The following KICS2 variants were observed in gnomAD, a reference collection of about 807,000 sequenced individuals.
KICS2 encodes the protein KICSTOR subunit 2.
A neutral mutation model predicts 31.4 loss-of-function variants in KICS2; 13 were observed. That is an observed-to-expected ratio of 0.41 (90% CI 0.27 to 0.66). The LOEUF (loss-of-function observed/expected upper bound fraction) is 0.66. KICS2 is among the 30% of genes least tolerant of loss of function. The pLI is 0.28. For missense variants in KICS2, 455 were observed against 545.4 expected (o/e 0.83, Z 1.65); for synonymous variants, 209 against 214.8 (o/e 0.97, Z 0.24).
In KICS2 at chr12:64,215,771, T is replaced by C. The variant is rs1002559405; in HGVS notation, c.428A>G (p.Tyr143Cys). Residue 143 changes from tyrosine (Y) to cysteine (C), a missense_variant, in exon 2 of 3, where the codon TAT becomes TGT. Tyr to Cys is a radical substitution (Grantham distance 194). Coordinates refer to ENST00000398055, the MANE Select transcript of KICS2 (RefSeq NM_152440.5). ...TGTGCTGAGGGTGTACATCTTCTCA[T>C]AGAAGTCTGCTATCTCCATCCGAGC... is the stretch of plus-strand genomic sequence containing the variant. ...VQARMEIADFYEKMYTLSTQK... is the reference protein window; with the variant it reads ...VQARMEIADFCEKMYTLSTQK... The C allele has an allele frequency of 1.2e-5, 19 of 1,614,010 alleles. No homozygotes were observed. Among genetic ancestry groups the C allele is most frequent in the East Asian group, 2.2e-5 (1 of 44,886 alleles).
chr12:64,190,983 C>T (rs1466189535), downstream of KICS2: 1 of 152,148 alleles, frequency 6.6e-6, no homozygotes, highest in Non-Finnish European at 1.5e-5. Flanking sequence ...GGATGGAACC[C>T]TTGGAAAACT....
intron 1 of KICS2, chr12:64,221,542 A>C: frequency 6.0e-6 from 1 of 167,214 alleles, no homozygotes; most frequent in Non-Finnish European, 1.3e-5. Context: ...TTAAATATGT[A>C]TTGGGGGACT....
rs1320076491 is a variant in KICS2 at position 64,196,993 on chromosome 12, T to C, written c.522-2335A>G. On this transcript the variant is annotated intron_variant, in intron 2 of 2. Transcript: ENST00000398055. Reference sequence around the variant, plus strand: ...GTCTGATTGGTGTACCTGAAAGTGATGGGGAGAATGGAACCAAGTTGGAAA... The same window carrying C: ...GTCTGATTGGTGTACCTGAAAGTGACGGGGAGAATGGAACCAAGTTGGAAA... Among the ~76,000 whole-genome samples, 180 of 127,148 alleles carry C rather than the reference T, an allele frequency of 1.4e-3. 1 individual carries two copies. The highest frequency in any genetic ancestry group is 2.3e-3 in the Non-Finnish European group (141 of 60,414). 83.4% of individuals were successfully genotyped at this position (127,148 alleles called of 152,430 possible).
intron 2 of KICS2, among the ~76,000 whole-genome samples, chr12:64,208,807 T>C (rs1406346403): frequency 6.6e-6 from 1 of 152,204 alleles, no homozygotes; most frequent in Non-Finnish European, 1.5e-5. Context: ...ATTATTGCCA[T>C]ACCGTAGAGA....
rs538323367 is a variant in KICS2 at position 64,195,660 on chromosome 12, G to A, written c.522-1002C>T. 5.6e-3 allele frequency among the ~76,000 whole-genome samples: 851 copies of A among 152,312 alleles called. 10 individuals are homozygous for A. The highest frequency in any genetic ancestry group is 0.02 in the African/African-American group (811 of 41,564). On this transcript the variant is annotated intron_variant, in intron 2 of 2. Coordinates refer to ENST00000398055, the MANE Select transcript of KICS2 (RefSeq NM_152440.5). ...TCCCAGCATGAGCAACGCAGAAGAC[G>A]GGTGATTTCTGCATTTCCATCTGAG...
At chr12:64,187,054 T>C (rs2037344458), downstream of KICS2, 1 of 152,678 alleles carries the variant, frequency 6.5e-6, no homozygotes, top group African/African-American at 2.4e-5. Flanking sequence ...GGCTGAGTCA[T>C]AAATCTCAGA....
intron 2 of KICS2, among the ~76,000 whole-genome samples, chr12:64,206,910 G>A (rs910147598): frequency 2.6e-5 from 4 of 152,124 alleles, no homozygotes; most frequent in African/African-American, 9.7e-5. Context: ...TGCTCAATGA[G>A]TACAGGGTTT....
chr12:64,220,191 T>C (rs2136710041), intron 1 of KICS2, among the ~76,000 whole-genome samples: 1 of 152,250 alleles, frequency 6.6e-6, no homozygotes, highest in South Asian at 2.1e-4. Flanking sequence ...GCACCAAATG[T>C]TGTATAGGTC....
Position 64,222,045 on chromosome 12 carries a change from C to T in KICS2, c.193G>A (p.Glu65Lys). The T allele has an allele frequency of 6.2e-7, 1 of 1,613,696 alleles. No individual in the cohort carries two copies. Among genetic ancestry groups the T allele is most frequent in the Non-Finnish European group, 8.5e-7 (1 of 1,179,894 alleles). ...LAALAHLAAA[E>K]KVYHSLTYLG... ...TAGGTGAGGCTGTGATAGACCTTCT[C>T]GGCCGCGGCCAGGTGCGCCAAGGCC... Residue 65 changes from glutamate to lysine, a missense_variant, in exon 1 of 3, where the codon GAG becomes AAG. Coordinates refer to ENST00000398055, the MANE Select transcript of KICS2 (RefSeq NM_152440.5).
intron 2 of KICS2, among the ~76,000 whole-genome samples, chr12:64,195,711 T>G (rs1292621454): frequency 2.0e-5 from 3 of 152,064 alleles, no homozygotes; most frequent in South Asian, 2.1e-4. Flanking sequence ...CACTAGGGAG[T>G]GCCAGACAGT....
downstream of KICS2, chr12:64,187,747 G>T: frequency 1.0e-6 from 1 of 985,364 alleles, no homozygotes; most frequent in South Asian, 1.7e-5. Flanking sequence ...TCTCACTTAG[G>T]AGAAAAAAAA....
At chr12:64,221,175 C>T (rs937629906) in intron 1 of KICS2, among the ~76,000 whole-genome samples, 1 of 151,958 alleles carries the variant, frequency 6.6e-6, no homozygotes, top group Non-Finnish European at 1.5e-5. Flanking sequence ...ATTTTATATA[C>T]GTGTCCTTCA....
downstream of KICS2, among the ~76,000 whole-genome samples, chr12:64,190,422 C>T (rs1179704759): frequency 1.3e-5 from 2 of 151,202 alleles, no homozygotes; most frequent in Non-Finnish European, 2.9e-5. Context: ...TGGACATTCA[C>T]CTGAAGGAAT....
At chr12:64,212,230 C>T (rs573873326) in intron 2 of KICS2, among the ~76,000 whole-genome samples, 46 of 152,126 alleles carry the variant, frequency 3.0e-4, no homozygotes, top group Non-Finnish European at 5.7e-4. Flanking sequence ...TGCAGAATTG[C>T]GCAACCATCA....
downstream of KICS2, among the ~76,000 whole-genome samples, chr12:64,189,024 G>A (rs750601766): frequency 2.0e-5 from 3 of 151,928 alleles, no homozygotes; most frequent in South Asian, 2.1e-4. Flanking sequence ...ATGGTGGCAC[G>A]TGCCTGTAGT....
At position 64,215,659 on chromosome 12, in the gene KICS2, C is replaced by T; in HGVS notation, c.521+19G>A. On this transcript the variant is annotated intron_variant, in intron 2 of 2. Coordinates refer to ENST00000398055, the MANE Select transcript of KICS2 (RefSeq NM_152440.5). ...GATAGGACAGCCACGCTTTCTCCCT[C>T]CCTCCTCCCCACACTGACCTGGAGC... The T allele has an allele frequency of 2.5e-6, 4 of 1,596,570 alleles. No individual in the cohort carries two copies. Among genetic ancestry groups the T allele is most frequent in the Non-Finnish European group, 3.4e-6 (4 of 1,169,334 alleles).
chr12:64,192,184 GCA>G lies in KICS2; in HGVS notation c.*1656_*1657del. ...CTTTCACCCAGGCTGGAGTGCAGCT[GCA>G]CAGTCTCAGCTCACTGCATCCTCCA... On this transcript the variant is annotated 3_prime_UTR_variant, in exon 3 of 3. Coordinates refer to ENST00000398055, the MANE Select transcript of KICS2 (RefSeq NM_152440.5). 6.7e-6 allele frequency: 1 copy of G among 150,294 alleles called. No individual in the cohort carries two copies. The highest frequency in any genetic ancestry group is 2.5e-5 in the African/African-American group (1 of 40,592). The allele number at this position is 150,294 out of a possible 1,614,324, so 9.3% of individuals were successfully genotyped here.
chr12:64,196,986 A>G (rs1486858507), intron 2 of KICS2, among the ~76,000 whole-genome samples: 1 of 137,176 alleles, frequency 7.3e-6, no homozygotes, highest in African/African-American at 2.7e-5. Flanking sequence ...GGTGTACCTG[A>G]AAGTGATGGG....
chr12:64,211,958 T>C (rs2037586038), intron 2 of KICS2, among the ~76,000 whole-genome samples: 1 of 152,182 alleles, frequency 6.6e-6, no homozygotes. Flanking sequence ...TATGATTATG[T>C]ATGGTTCTTA....
Sources: allele counts gnomAD v4.1 joint callset (sites outside exome capture counted in the v4.1 genomes callset), GRCh38; gene constraint gnomAD v4.1.1; transcripts MANE v1.5; gene names NCBI Gene and HGNC (gene_info 2026-07-23, HGNC 2026-07-21).